Variants in CUX1 observed in about 807,000 individuals in gnomAD.
CUX1 encodes cut like homeobox 1.
A neutral mutation model predicts 158.8 loss-of-function variants in CUX1; 31 were observed. That is an observed-to-expected ratio of 0.20 (90% CI 0.15 to 0.26). The LOEUF is 0.26. Among genes scored for constraint, CUX1 ranks in the 10% least tolerant of loss-of-function variants. The pLI, the probability that CUX1 is intolerant of heterozygous loss-of-function variation, is 1.00. For missense variants in CUX1, 1,589 were observed against 2,014.6 expected (o/e 0.79, Z 4.04); for synonymous variants, 879 against 862.1 (o/e 1.02, Z -0.34).
intron 2 of CUX1, among the ~76,000 whole-genome samples, chr7:101,976,973 CATG>C (rs1812785724): frequency 8.6e-6 from 1 of 115,868 alleles, no homozygotes; most frequent in Admixed American, 1.3e-4. Context: ...AGTGTCGTGG[CATG>C]ATTTCAGCTT....
At chr7:102,206,967 C>T (rs782646792) in intron 20 of CUX1, among the ~76,000 whole-genome samples, 24 of 152,108 alleles carry the variant, frequency 1.6e-4, no homozygotes, top group African/African-American at 5.8e-4. Context: ...TGCTAATGAT[C>T]GATGCCAGAA....
At chr7:102,038,287 A>G (rs552379756) in intron 3 of CUX1, among the ~76,000 whole-genome samples, 2 of 152,340 alleles carry the variant, frequency 1.3e-5, no homozygotes, top group African/African-American at 2.4e-5. Flanking sequence ...AACCTTGGCC[A>G]TGATTTACAA....
intron 1 of CUX1, among the ~76,000 whole-genome samples, chr7:101,876,750 T>C (rs539464938): frequency 1.1e-4 from 17 of 152,006 alleles, no homozygotes; most frequent in African/African-American, 1.9e-4. Context: ...AATATATATA[T>C]ACACACACAC....
chr7:102,215,671 G>A (rs545414168), intron 20 of CUX1, among the ~76,000 whole-genome samples: 4 of 152,288 alleles, frequency 2.6e-5, no homozygotes, highest in African/African-American at 7.2e-5. Context: ...CGTGGAAGAC[G>A]AAAATCTCAA....
intron 11 of CUX1, among the ~76,000 whole-genome samples, chr7:102,186,024 C>T (rs561389622): frequency 6.6e-6 from 1 of 152,298 alleles, no homozygotes; most frequent in South Asian, 2.1e-4. Flanking sequence ...AGGAGGAGTG[C>T]GTCTTCAGAG....
chr7:102,159,688 C>G (rs1554506480), intron 9 of CUX1, among the ~76,000 whole-genome samples: 1 of 151,568 alleles, frequency 6.6e-6, no homozygotes, highest in Non-Finnish European at 1.5e-5. Context: ...TGGTGAATCC[C>G]CGTCTCTACT....
chr7:102,181,697 G>A (rs546835457), intron 11 of CUX1, among the ~76,000 whole-genome samples: 2 of 152,248 alleles, frequency 1.3e-5, no homozygotes, highest in East Asian at 3.9e-4. Context: ...CAAGACTTCT[G>A]ATTTTAATTA....
At chr7:102,006,618 G>C (rs903879905) in intron 2 of CUX1, among the ~76,000 whole-genome samples, 60 of 152,054 alleles carry the variant, frequency 3.9e-4, no homozygotes, top group Admixed American at 8.5e-4. Flanking sequence ...GCTGGTCTCA[G>C]GCGATCCACC....
chr7:102,236,065 T>C (rs1554532692), intron 22 of CUX1, among the ~76,000 whole-genome samples: 1 of 152,232 alleles, frequency 6.6e-6, no homozygotes, highest in Non-Finnish European at 1.5e-5. Flanking sequence ...TAGATGTCCT[T>C]ATCCAGGAAA....
chr7:102,129,871 G>A (rs974847705), intron 8 of CUX1, among the ~76,000 whole-genome samples: 1 of 152,114 alleles, frequency 6.6e-6, no homozygotes, highest in Non-Finnish European at 1.5e-5. Context: ...TTGGGGCACC[G>A]TGGGCTGGTG....
At chr7:101,827,683 A>G (rs930359143) in intron 1 of CUX1, among the ~76,000 whole-genome samples, 8 of 152,156 alleles carry the variant, frequency 5.3e-5, no homozygotes, top group Non-Finnish European at 1.2e-4. Flanking sequence ...GATAACATAA[A>G]CAGTTGCTTA....
At chr7:102,236,799 C>T (rs1011739064) in intron 22 of CUX1, among the ~76,000 whole-genome samples, 2 of 152,174 alleles carry the variant, frequency 1.3e-5, no homozygotes, top group Admixed American at 6.5e-5. Context: ...AGGAAAGGAC[C>T]TTAGTCCCCG....
intron 2 of CUX1, among the ~76,000 whole-genome samples, chr7:101,958,112 G>A (rs1006609831): frequency 1.3e-5 from 2 of 152,176 alleles, no homozygotes; most frequent in Non-Finnish European, 2.9e-5. Context: ...TGGAAATATT[G>A]CCACCGTGCC....
intron 2 of CUX1, among the ~76,000 whole-genome samples, chr7:102,018,269 C>T (rs1818906643): frequency 6.6e-6 from 1 of 152,130 alleles, no homozygotes; most frequent in Admixed American, 6.6e-5. Flanking sequence ...TCAGAGGTTT[C>T]GACATGAGCA....
intron 2 of CUX1, among the ~76,000 whole-genome samples, chr7:101,973,352 A>G (rs1812223058): frequency 6.6e-6 from 1 of 152,122 alleles, no homozygotes; most frequent in Non-Finnish European, 1.5e-5. Flanking sequence ...CCCAGAAGGC[A>G]CGTGTTTTTA....
At chr7:101,936,656 C>T (rs1471901709) in intron 2 of CUX1, among the ~76,000 whole-genome samples, 5 of 152,142 alleles carry the variant, frequency 3.3e-5, no homozygotes, top group African/African-American at 9.7e-5. Flanking sequence ...AGGCGGCAGC[C>T]GGGCTGTGTT....
chr7:101,915,990 T>C, intron 1 of CUX1, 125 bp from the exon 2 acceptor site: 1 of 680,526 alleles, frequency 1.5e-6, no homozygotes, highest in African/African-American at 1.8e-5. Flanking sequence ...CCTCTGCCAA[T>C]GAGTTGATGT....
intron 20 of CUX1, among the ~76,000 whole-genome samples, chr7:102,227,151 T>C (rs1186503163): frequency 1.3e-5 from 2 of 152,076 alleles, no homozygotes; most frequent in African/African-American, 4.8e-5. Flanking sequence ...CCCCTAGTTT[T>C]TCTCGCAATG....
At chr7:102,189,470 A>G (rs1231349537) in intron 11 of CUX1, among the ~76,000 whole-genome samples, 1 of 145,454 alleles carries the variant, frequency 6.9e-6, no homozygotes, top group Non-Finnish European at 1.5e-5. Flanking sequence ...ATCATAGCTC[A>G]CTGCACCCTC....
Sources: allele counts gnomAD v4.1 joint callset (sites outside exome capture counted in the v4.1 genomes callset), GRCh38; gene constraint gnomAD v4.1.1; transcripts MANE v1.5; gene names NCBI Gene and HGNC (gene_info 2026-07-23, HGNC 2026-07-21).